KLHL28: variants seen among roughly 807,000 people sequenced by gnomAD.
KLHL28 encodes the protein kelch-like protein 28.
KLHL28 carries 22 observed loss-of-function variants against 48.3 expected under a neutral mutation model. The observed-to-expected ratio is 0.46, with a 90% CI of 0.33 to 0.65. KLHL28 has a LOEUF of 0.65. KLHL28 is among the 30% of genes least tolerant of loss of function. The probability of loss-of-function intolerance (pLI) is 0.03; values close to 1 mark genes in which losing one functional copy is unlikely to be tolerated. For missense variants in KLHL28, 527 were observed against 704.3 expected (o/e 0.75, Z 2.85); for synonymous variants, 243 against 242.4 (o/e 1.00, Z -0.02).
rs1428233559 is a variant in KLHL28, at chr14:44,945,812, A to G, written c.117T>C (p.Leu39=). Residue 39 remains leucine, a synonymous_variant, in exon 2 of 5, where the codon CTT becomes CTC. Transcript: ENST00000396128. The part of the protein sequence containing the change: ...RQHHELCDII[L]RVGDVKIHAH... ...CATGAATTTTAACATCACCTACTCG[A>G]AGAATGATGTCACAGAGTTCGTGAT... The G allele has an allele frequency of 6.2e-7, 1 of 1,614,018 alleles. No homozygotes were observed. The highest frequency in any genetic ancestry group is 1.3e-5 in the African/African-American group (1 of 74,920).
chr14:44,943,248 T>C lies in KLHL28; in HGVS notation c.899+1782A>G, dbSNP rs561313920. On this transcript the variant is annotated intron_variant, in intron 2 of 4. Transcript: ENST00000396128. ...ATATTTACTAATATAATTTACTTTATGCCAGTAACCAGTGCATTTCAGAAT... is the reference window on the plus strand; with the variant it reads ...ATATTTACTAATATAATTTACTTTACGCCAGTAACCAGTGCATTTCAGAAT... Among the ~76,000 whole-genome samples the C allele has an allele frequency of 5.8e-4, 89 of 152,232 alleles. 1 individual carries two copies. Among genetic ancestry groups the C allele is most frequent in the Non-Finnish European group, 1.1e-3 (72 of 68,034 alleles).
chr14:44,942,325 C>A (rs571732625), intron 2 of KLHL28, among the ~76,000 whole-genome samples: 1 of 152,106 alleles, frequency 6.6e-6, no homozygotes, highest in Non-Finnish European at 1.5e-5. Flanking sequence ...AAAATGAATG[C>A]CCCATTCTCT....
chr14:44,958,335 T>C (rs1321356888), intron 1 of KLHL28, among the ~76,000 whole-genome samples: 1 of 151,816 alleles, frequency 6.6e-6, no homozygotes, highest in African/African-American at 2.4e-5. Flanking sequence ...TCTGCCACTA[T>C]ATAAATATAG....
In KLHL28 at chr14:44,935,890, G is replaced by GTATATATATATATATATATATATA. The variant is rs139707349; in HGVS notation, c.900-1333_900-1332insTATATATATATATATATATATATA. Among the ~76,000 whole-genome samples, 572 of 59,096 alleles carry GTATATATATATATATATATATATA rather than the reference G, an allele frequency of 9.7e-3. 93 individuals are homozygous for GTATATATATATATATATATATATA. The highest frequency in any genetic ancestry group is 0.02 in the East Asian group (40 of 1,974). The allele number at this position is 59,096 out of a possible 152,430, so 38.8% of individuals were successfully genotyped here. On this transcript the variant is annotated intron_variant, in intron 2 of 4. Coordinates refer to ENST00000396128, the MANE Select transcript of KLHL28 (RefSeq NM_017658.5). ...TATGTGTATGTATATATATATGTGT[G>GTATATATATATATATATATATATA]TATATATATATATCTTTACCCTCCC...
At chr14:44,950,308 C>G (rs1697178355) in intron 1 of KLHL28, among the ~76,000 whole-genome samples, 1 of 152,100 alleles carries the variant, frequency 6.6e-6, no homozygotes, top group Non-Finnish European at 1.5e-5. Context: ...AAGAAACCCA[C>G]TCTGTCTTCT....
chr14:44,953,912 T>C (rs1394702877), intron 1 of KLHL28, among the ~76,000 whole-genome samples: 1 of 152,088 alleles, frequency 6.6e-6, no homozygotes, highest in African/African-American at 2.4e-5. Flanking sequence ...AGTAAAAATA[T>C]AAATGAGACT....
chr14:44,955,703 T>C (rs987815483), intron 1 of KLHL28, among the ~76,000 whole-genome samples: 1 of 152,208 alleles, frequency 6.6e-6, no homozygotes, highest in Non-Finnish European at 1.5e-5. Context: ...GGAGAATTGC[T>C]TGTGCCCAGG....
At chr14:44,931,242 C>T in intron 4 of KLHL28, 91 bp downstream of exon 4, 2 of 689,374 alleles carry the variant, frequency 2.9e-6, no homozygotes, top group Non-Finnish European at 4.6e-6. Context: ...AGTAATATTC[C>T]TACTGCTATA....
chr14:44,947,027 T>G (rs1884367857), intron 1 of KLHL28, among the ~76,000 whole-genome samples: 1 of 152,148 alleles, frequency 6.6e-6, no homozygotes, highest in African/African-American at 2.4e-5. Context: ...CCAAATGACA[T>G]TCACATCCCT....
chr14:44,958,569 T>C (rs1348179762), intron 1 of KLHL28, among the ~76,000 whole-genome samples: 1 of 152,144 alleles, frequency 6.6e-6, no homozygotes, highest in African/African-American at 2.4e-5. Context: ...AGTGAGCCTA[T>C]GGAATAAGTT....
intron 1 of KLHL28, among the ~76,000 whole-genome samples, chr14:44,955,194 A>G (rs1210603826): frequency 6.6e-6 from 1 of 151,692 alleles, no homozygotes; most frequent in African/African-American, 2.4e-5. Context: ...ATGAGAATAA[A>G]TATATGTATA....
At chr14:44,943,820 T>A (rs1293788492) in intron 2 of KLHL28, among the ~76,000 whole-genome samples, 1 of 151,060 alleles carries the variant, frequency 6.6e-6, no homozygotes, top group Non-Finnish European at 1.5e-5. Flanking sequence ...GCCTAAGCAA[T>A]CCTCTTGCCT....
rs1883405755 is a variant in KLHL28, at chr14:44,927,314, C to T, written c.*1714G>A. On this transcript the variant is annotated 3_prime_UTR_variant, in exon 5 of 5. Coordinates refer to ENST00000396128, the MANE Select transcript of KLHL28 (RefSeq NM_017658.5). ...CTGTAAATTGCCCGGCTATAGTATTCAAGAAATAAACATATATACTAACAA... is the reference window on the plus strand; with the variant it reads ...CTGTAAATTGCCCGGCTATAGTATTTAAGAAATAAACATATATACTAACAA... 1 of 152,472 alleles carries T rather than the reference C, an allele frequency of 6.6e-6. No homozygotes were observed. Among genetic ancestry groups the T allele is most frequent in the Admixed American group, 6.5e-5 (1 of 15,270 alleles). The allele number at this position is 152,472 out of a possible 1,614,324, so 9.4% of individuals were successfully genotyped here.
chr14:44,951,966 C>T (rs1330176720), intron 1 of KLHL28, among the ~76,000 whole-genome samples: 1 of 152,108 alleles, frequency 6.6e-6, no homozygotes, highest in Non-Finnish European at 1.5e-5. Context: ...TCAGGTGATT[C>T]TCCCACTTCA....
chr14:44,945,834 T>C lies in KLHL28; in HGVS notation c.95A>G (p.His32Arg), dbSNP rs1005789129. The change falls in exon 2 of 5, where the codon CAC (histidine) becomes CGC (arginine). Residue 32 changes from histidine (H) to arginine (R), a missense_variant. Transcript: ENST00000396128. ...TCGAAGAATGATGTCACAGAGTTCG[T>C]GATGTTGGCGAAGAAGATTCAAGCC... ...LQGLNLLRQH[H>R]ELCDIILRVG... 9 of 1,614,008 alleles carry C rather than the reference T, an allele frequency of 5.6e-6. No individual in the cohort carries two copies. The highest frequency in any genetic ancestry group is 1.3e-5 in the African/African-American group (1 of 74,916).
At position 44,945,342 on chromosome 14, in the gene KLHL28, T is replaced by A; in HGVS notation, c.587A>T (p.Glu196Val). Residue 196 changes from glutamate to valine, a missense_variant, in exon 2 of 5, where the codon GAG (glutamate) becomes GTG (valine). Transcript: ENST00000396128. Reference sequence around the variant, plus strand: ...AGACTCTAATGCATAAAAAACAGTCTCTTCGGTAGCTACATTCAAACAGTC... The same window carrying A: ...AGACTCTAATGCATAAAAAACAGTCACTTCGGTAGCTACATTCAAACAGTC... ...SNDCLNVATE[E>V]TVFYALESWI... The A allele has an allele frequency of 6.2e-7, 1 of 1,614,170 alleles. No homozygotes were observed. Among genetic ancestry groups the A allele is most frequent in the Non-Finnish European group, 8.5e-7 (1 of 1,180,026 alleles).
At chr14:44,953,192 C>T (rs370966232) in intron 1 of KLHL28, among the ~76,000 whole-genome samples, 4 of 151,862 alleles carry the variant, frequency 2.6e-5, no homozygotes, top group Non-Finnish European at 4.4e-5. Flanking sequence ...GGAATCTCTG[C>T]GAGGGAAAAG....
At chr14:44,938,565 T>A (rs1352440048) in intron 2 of KLHL28, among the ~76,000 whole-genome samples, 1 of 152,096 alleles carries the variant, frequency 6.6e-6, no homozygotes, top group Non-Finnish European at 1.5e-5. Flanking sequence ...AGAGATGGGG[T>A]TTCACTGTGT....
chr14:44,934,394 G>T lies in KLHL28; in HGVS notation c.1064C>A (p.Ser355Ter). 6.2e-7 allele frequency: 1 copy of T among 1,614,044 alleles called. No individual in the cohort carries two copies. The highest frequency in any genetic ancestry group is 8.5e-7 in the Non-Finnish European group (1 of 1,180,000). ...PGVTIRKHEN[S>*]VECWNPDTNT... The stretch of plus-strand genomic sequence containing the variant: ...TGTATCAGGATTCCAGCATTCCACT[G>T]AATTTTCATGTTTTCTGATAGTGAC... The change falls in exon 3 of 5, where the codon TCA becomes TAA. Residue 355 changes from serine to a stop codon, truncating the protein, a stop_gained. Coordinates refer to ENST00000396128, the MANE Select transcript of KLHL28 (RefSeq NM_017658.5). LOFTEE classifies it high-confidence loss of function.
Sources: gnomAD v4.1 joint callset for allele counts (sites outside exome capture counted in the v4.1 genomes callset) on GRCh38, gnomAD v4.1.1 for gene constraint, MANE v1.5 for transcripts, NCBI Gene and HGNC (gene_info 2026-07-23, HGNC 2026-07-21) for gene names.